The following PLXNC1 variants were observed in gnomAD, a reference collection of about 807,000 sequenced individuals.
The protein encoded by PLXNC1 is plexin-C1.
Under a neutral mutation model 178.2 loss-of-function variants are expected in PLXNC1, and 75 were observed. The observed-to-expected ratio is 0.42, with a 90% CI of 0.35 to 0.51. The LOEUF (loss-of-function observed/expected upper bound fraction) is 0.51. PLXNC1 is among the 20% of genes least tolerant of loss of function. The pLI is 0.02. For missense variants in PLXNC1, 1,503 were observed against 1,984.4 expected (o/e 0.76, Z 4.61); for synonymous variants, 790 against 779.9 (o/e 1.01, Z -0.22).
intron 20 of PLXNC1, chr12:94,262,662 C>T (rs1405653708): frequency 2.0e-6 from 2 of 985,414 alleles, no homozygotes; most frequent in Non-Finnish European, 1.2e-6. Context: ...GTCTGATGTC[C>T]CTCCACCAGG....
chr12:94,218,044 TA>T (rs1963693648), intron 5 of PLXNC1, among the ~76,000 whole-genome samples: 1 of 152,222 alleles, frequency 6.6e-6, no homozygotes, highest in African/African-American at 2.4e-5. Context: ...ATACTCTTGT[TA>T]TAACGTTTGA....
At chr12:94,244,326 G>A (rs910835755) in intron 12 of PLXNC1, among the ~76,000 whole-genome samples, 2 of 152,204 alleles carry the variant, frequency 1.3e-5, no homozygotes, top group Non-Finnish European at 2.9e-5. Context: ...ATGAATATGT[G>A]TGAAAATGCT....
chr12:94,291,944 C>G (rs149886848), intron 23 of PLXNC1, among the ~76,000 whole-genome samples: 1 of 152,144 alleles, frequency 6.6e-6, no homozygotes, highest in Non-Finnish European at 1.5e-5. Context: ...GTCTACTGCT[C>G]CCATCTTTAT....
Position 94,203,084 on chromosome 12 carries a change from G to C in PLXNC1, c.1440-6506G>C, listed in dbSNP as rs192055198. 1.1e-4 allele frequency among the ~76,000 whole-genome samples: 17 copies of C among 152,242 alleles called. No homozygotes were observed. In the East Asian group the frequency reaches 1.9e-3, roughly 17 times the overall value. ...TGCTGCAGGAACCCAGGTGAGAGGT[G>C]GGGGGTAAGCATGGGTTGTAGAGGA... On this transcript the variant is annotated intron_variant, in intron 4 of 30. Transcript: ENST00000258526.
At chr12:94,248,825 A>G (rs1220736266) in intron 14 of PLXNC1, among the ~76,000 whole-genome samples, 1 of 152,214 alleles carries the variant, frequency 6.6e-6, no homozygotes, top group African/African-American at 2.4e-5. Context: ...GTAGCATTAG[A>G]ATCAGATGGA....
At chr12:94,171,052 G>A (rs1251528696) in intron 2 of PLXNC1, among the ~76,000 whole-genome samples, 4 of 152,164 alleles carry the variant, frequency 2.6e-5, no homozygotes, top group Admixed American at 6.5e-5. Flanking sequence ...CCCCAAAGCC[G>A]AGCCAACCAA....
At chr12:94,222,038 A>G (rs1214977917) in intron 6 of PLXNC1, among the ~76,000 whole-genome samples, 2 of 152,198 alleles carry the variant, frequency 1.3e-5, no homozygotes, top group Non-Finnish European at 2.9e-5. Flanking sequence ...AAATGCTCTC[A>G]GCCACTGGGT....
rs143800562 is a variant in PLXNC1 at position 94,223,429 on chromosome 12, G to A, written c.1703-799G>A. Among the ~76,000 whole-genome samples the A allele has an allele frequency of 3.5e-3, 539 of 152,292 alleles. 5 individuals are homozygous for A. The highest frequency in any genetic ancestry group is 0.012 in the African/African-American group (499 of 41,558). The stretch of plus-strand genomic sequence containing the variant: ...GGGCTCTATACAATTGTTCCATGGG[G>A]AGCAATGCAACCACAGGTTCCTGGG... On this transcript the variant is annotated intron_variant, in intron 6 of 30. Coordinates refer to ENST00000258526, the MANE Select transcript of PLXNC1 (RefSeq NM_005761.3).
At chr12:94,195,308 A>C (rs958504038) in intron 4 of PLXNC1, among the ~76,000 whole-genome samples, 4 of 152,128 alleles carry the variant, frequency 2.6e-5, no homozygotes, top group Non-Finnish European at 5.9e-5. Context: ...TTTTGTAAAG[A>C]GAGAGTTTAT....
intron 2 of PLXNC1, among the ~76,000 whole-genome samples, chr12:94,176,852 A>C (rs1565793798): frequency 6.6e-6 from 1 of 151,912 alleles, no homozygotes; most frequent in Non-Finnish European, 1.5e-5. Flanking sequence ...AAATATGTCT[A>C]TATTTATAGA....
chr12:94,275,854 C>CAAAAAAAA (rs34551603), intron 21 of PLXNC1, among the ~76,000 whole-genome samples: 1 of 23,074 alleles, frequency 4.3e-5, no homozygotes, highest in Non-Finnish European at 6.5e-5. Flanking sequence ...GACTCCGTCT[C>CAAAAAAAA]AAAAAAAAAA....
At chr12:94,279,764 C>T (rs973176460) in intron 22 of PLXNC1, 115 bp downstream of exon 22, 4 of 928,782 alleles carry the variant, frequency 4.3e-6, no homozygotes, top group Non-Finnish European at 6.8e-6. Context: ...GTGACACTTA[C>T]ACAGCCAGGT....
At chr12:94,235,663 A>G (rs61929075) in intron 9 of PLXNC1, among the ~76,000 whole-genome samples, 31,471 of 152,176 alleles carry the variant, frequency 0.21, 3,655 homozygotes, top group East Asian at 0.37. Context: ...TGCGGGCCGT[A>G]TGGTCTCTGC....
chr12:94,288,237 C>A (rs905081768), intron 23 of PLXNC1, among the ~76,000 whole-genome samples: 1 of 152,204 alleles, frequency 6.6e-6, no homozygotes, highest in African/African-American at 2.4e-5. Flanking sequence ...TATCAAAATG[C>A]TTCCCTACTT....
intron 23 of PLXNC1, among the ~76,000 whole-genome samples, chr12:94,285,783 T>A (rs1190615336): frequency 6.6e-6 from 1 of 152,134 alleles, no homozygotes; most frequent in Non-Finnish European, 1.5e-5. Context: ...TCCCTGTGTC[T>A]GGGTGGCAGG....
intron 2 of PLXNC1, among the ~76,000 whole-genome samples, chr12:94,179,478 C>T (rs551356820): frequency 1.3e-5 from 2 of 152,154 alleles, no homozygotes; most frequent in Non-Finnish European, 2.9e-5. Context: ...CGGTGGCTCA[C>T]GCCTGTAATC....
In PLXNC1 at chr12:94,247,967, T is replaced by G. The variant is rs1286622808; in HGVS notation, c.2453T>G (p.Val818Gly). ...FLAPSLKSSK[V>G]RTNVTVKLRV... Reference sequence around the variant, plus strand: ...GCCCCCAGTTTAAAGAGTTCAAAAGTGCGCACGAATGTCACTGTGAAGCTG... The same window carrying G: ...GCCCCCAGTTTAAAGAGTTCAAAAGGGCGCACGAATGTCACTGTGAAGCTG... Residue 818 changes from valine (V) to glycine (G), a missense_variant, in exon 13 of 31, where the codon GTG (valine) becomes GGG (glycine). By Grantham distance (109) the Val-to-Gly change is moderately radical. This residue lies in a region of PLXNC1 where 639 missense variants were observed against 979.7 expected (regional missense o/e 0.65). Transcript: ENST00000258526. 3.2e-5 allele frequency: 51 copies of G among 1,614,070 alleles called. No individual in the cohort carries two copies. Among genetic ancestry groups the G allele is most frequent in the Non-Finnish European group, 4.2e-5 (49 of 1,180,028 alleles).
chr12:94,233,426 A>G (rs1312472491), intron 9 of PLXNC1, among the ~76,000 whole-genome samples: 1 of 152,210 alleles, frequency 6.6e-6, no homozygotes, highest in Non-Finnish European at 1.5e-5. Context: ...CTGGGGAGCC[A>G]CACTCAGAAG....
In PLXNC1 at chr12:94,237,580, G is replaced by A. The variant is rs145773189; in HGVS notation, c.1981-84G>A. 190 of 1,166,494 alleles carry A rather than the reference G, an allele frequency of 1.6e-4. No individual in the cohort carries two copies. The Middle Eastern group carries it at 1.6e-3, about 10-fold the overall frequency. The allele number at this position is 1,166,494 out of a possible 1,614,324, so 72.3% of individuals were successfully genotyped here. ...GTTGTAATTTCCCAGTGATTTCTTC[G>A]AACTGCAGCGTATAAACAGATTTTT... On this transcript the variant is annotated intron_variant, in intron 9 of 30. Coordinates refer to ENST00000258526, the MANE Select transcript of PLXNC1 (RefSeq NM_005761.3).
Sources: gnomAD v4.1 joint callset for allele counts (sites outside exome capture counted in the v4.1 genomes callset) on GRCh38, gnomAD v4.1.1 for gene constraint, gnomAD v4.1.1 regional missense constraint, MANE v1.5 for transcripts, NCBI Gene and HGNC (gene_info 2026-07-23, HGNC 2026-07-21) for gene names.